The following SLIT2 variants were observed in gnomAD, a reference collection of about 807,000 sequenced individuals.
The protein encoded by SLIT2 is slit homolog 2 protein.
SLIT2 carries 41 observed loss-of-function variants against 185.7 expected under a neutral mutation model. The observed-to-expected ratio is 0.22, with a 90% CI of 0.17 to 0.29. SLIT2 has a LOEUF of 0.29. Ranked by LOEUF, SLIT2 falls within the 10% of genes least tolerant of loss-of-function variation. The pLI is 1.00. For missense variants in SLIT2, 1,571 were observed against 1,909.0 expected, an observed-to-expected ratio of 0.82 and a Z score of 3.30; for synonymous variants, 693 against 680.2, an observed-to-expected ratio of 1.02 and a Z score of -0.29.
chr4:20,339,745 G>C (rs1720807007), intron 4 of SLIT2, among the ~76,000 whole-genome samples: 1 of 152,062 alleles, frequency 6.6e-6, no homozygotes, highest in African/African-American at 2.4e-5. Flanking sequence ...ATGGCCTGTA[G>C]ACTCTCCTAT....
chr4:20,462,087 C>T (rs530703832), intron 4 of SLIT2, among the ~76,000 whole-genome samples: 11 of 152,198 alleles, frequency 7.2e-5, no homozygotes, highest in African/African-American at 2.4e-4. Flanking sequence ...TAAGACACTT[C>T]TCAGACTTGG....
In SLIT2 at chr4:20,507,888, G is replaced by A. The variant is rs1057051188; in HGVS notation, c.915-2607G>A. On this transcript the variant is annotated intron_variant, in intron 9 of 36. Coordinates refer to ENST00000504154, the MANE Select transcript of SLIT2 (RefSeq NM_004787.4). Reference sequence around the variant, plus strand: ...ACCAAGACATGAAGAATCTTCCAGCGAATCAATATTATTTCATCTATAGCT... The same window carrying A: ...ACCAAGACATGAAGAATCTTCCAGCAAATCAATATTATTTCATCTATAGCT... Among the ~76,000 whole-genome samples, 6 of 151,700 alleles carry A rather than the reference G, an allele frequency of 4.0e-5. No homozygotes were observed. In the South Asian group the frequency reaches 6.2e-4, roughly 16 times the overall value.
intron 4 of SLIT2, among the ~76,000 whole-genome samples, chr4:20,346,757 C>G (rs1721444759): frequency 6.6e-6 from 1 of 152,194 alleles, no homozygotes; most frequent in African/African-American, 2.4e-5. Flanking sequence ...CCCTGACTAT[C>G]CACTGGTGTA....
At position 20,472,602 on chromosome 4, in the gene SLIT2, A is replaced by ATCGATATATATC. The variant is rs1491249447; in HGVS notation, c.467+4779_467+4780insTCGATATATATC. Among the ~76,000 whole-genome samples the ATCGATATATATC allele has an allele frequency of 2.0e-4, 3 of 14,764 alleles. 1 individual carries two copies. The highest frequency in any genetic ancestry group is 3.4e-4 in the Non-Finnish European group (3 of 8,870). 9.7% of individuals were successfully genotyped at this position (14,764 alleles called of 152,430 possible). ...TATCTATATATAGATATATATCTAT[A>ATCGATATATATC]GATATATCTATATATATCGATATAT... On this transcript the variant is annotated intron_variant, in intron 5 of 36. Coordinates refer to ENST00000504154, the MANE Select transcript of SLIT2 (RefSeq NM_004787.4).
intron 4 of SLIT2, among the ~76,000 whole-genome samples, chr4:20,282,464 A>G (rs1374316201): frequency 2.6e-5 from 4 of 152,186 alleles, no homozygotes; most frequent in African/African-American, 2.4e-5. Flanking sequence ...GGTTTTTAAA[A>G]GTATAGTTCT....
rs190292868 is a variant in SLIT2 at position 20,252,318 on chromosome 4, G to A, written c.-1498G>A. 1.6e-3 allele frequency among the ~76,000 whole-genome samples: 250 copies of A among 152,308 alleles called. 1 individual carries two copies. Among genetic ancestry groups the A allele is most frequent in the Non-Finnish European group, 1.1e-3 (76 of 68,028 alleles). ...GGGCTCCGGAGTCGGCAGAGCCACCGAGTCCCCGCTCTGAGTCGTCGCCCT... is the reference window on the plus strand; with the variant it reads ...GGGCTCCGGAGTCGGCAGAGCCACCAAGTCCCCGCTCTGAGTCGTCGCCCT... On this transcript the variant is annotated 5_prime_UTR_variant, in exon 1 of 37. Coordinates refer to ENST00000504154, the MANE Select transcript of SLIT2 (RefSeq NM_004787.4).
Position 20,533,468 on chromosome 4 carries a change from A to G in SLIT2, c.1689-104A>G, listed in dbSNP as rs2148864634. The G allele has an allele frequency of 3.7e-6, 3 of 817,118 alleles. No homozygotes were observed. The East Asian group carries it at 7.8e-5, about 21-fold the overall frequency. 50.6% of individuals were successfully genotyped at this position (817,118 alleles called of 1,614,324 possible). A position where few individuals can be genotyped will look rare whatever the true frequency, so the allele number is the denominator to read the frequency against. ...GAGCCCTGGCAGTGCTGGGCAGTGA[A>G]AAGTTGGAAAACTTGGATCATTAGA... On this transcript the variant is annotated intron_variant, in intron 17 of 36. Coordinates refer to ENST00000504154, the MANE Select transcript of SLIT2 (RefSeq NM_004787.4).
At chr4:20,333,211 A>T (rs923627491) in intron 4 of SLIT2, among the ~76,000 whole-genome samples, 1 of 152,130 alleles carries the variant, frequency 6.6e-6, no homozygotes, top group African/African-American at 2.4e-5. Flanking sequence ...GGGGAAAAAA[A>T]TTCAATGGAC....
chr4:20,280,683 C>T (rs182809457), intron 4 of SLIT2, among the ~76,000 whole-genome samples: 11 of 152,148 alleles, frequency 7.2e-5, no homozygotes, highest in East Asian at 5.8e-4. Context: ...GGAATAATTA[C>T]AGTGGTGGAG....
intron 4 of SLIT2, among the ~76,000 whole-genome samples, chr4:20,326,746 C>T (rs1469732078): frequency 9.1e-5 from 5 of 54,728 alleles, no homozygotes; most frequent in East Asian, 7.2e-4. Flanking sequence ...ATTCTGAAAC[C>T]TTTTTTTTTT....
At chr4:20,558,014 T>C (rs1724401097) in intron 26 of SLIT2, among the ~76,000 whole-genome samples, 1 of 152,032 alleles carries the variant, frequency 6.6e-6, no homozygotes, top group Non-Finnish European at 1.5e-5. Flanking sequence ...AAAACTTCAA[T>C]GAATAAGGAG....
chr4:20,594,814 G>A (rs992291001), intron 30 of SLIT2, among the ~76,000 whole-genome samples: 1 of 152,164 alleles, frequency 6.6e-6, no homozygotes, highest in African/African-American at 2.4e-5. Flanking sequence ...CCTGGCTGTG[G>A]CACTTAGAAG....
chr4:20,254,046 T>A lies in SLIT2; in HGVS notation c.179+52T>A, dbSNP rs748059236. 1.9e-6 allele frequency: 3 copies of A among 1,551,118 alleles called. No homozygotes were observed. Among genetic ancestry groups the A allele is most frequent in the East Asian group, 4.5e-5 (2 of 44,336 alleles). ...TCTCCCCATCCGGGCCGCGCACCCC[T>A]GCCTCCACTGGAGGAACCTGTCAGC... On this transcript the variant is annotated intron_variant, in intron 1 of 36. Transcript: ENST00000504154. This position sits in a 1 kb window ranked among gnomAD's most constrained non-coding sequence, Gnocchi z 5.1.
At position 20,254,538 on chromosome 4, in the gene SLIT2, C is replaced by T. The variant is rs1711553925; in HGVS notation, c.179+544C>T. On this transcript the variant is annotated intron_variant, in intron 1 of 36. Coordinates refer to ENST00000504154, the MANE Select transcript of SLIT2 (RefSeq NM_004787.4). This position sits in a 1 kb window ranked among gnomAD's most constrained non-coding sequence, Gnocchi z 5.1. Reference sequence around the variant, plus strand: ...TCATGGAGTGCCTGGGGGTGCTTCTCACAGGTCGCGGGGAGAAGGGTGCCC... The same window carrying T: ...TCATGGAGTGCCTGGGGGTGCTTCTTACAGGTCGCGGGGAGAAGGGTGCCC... Among the ~76,000 whole-genome samples the T allele has an allele frequency of 1.3e-5, 2 of 152,108 alleles. No homozygotes were observed. The highest frequency in any genetic ancestry group is 1.5e-5 in the Non-Finnish European group (1 of 68,010).
intron 4 of SLIT2, among the ~76,000 whole-genome samples, chr4:20,445,623 T>C (rs1452411532): frequency 6.6e-6 from 1 of 152,184 alleles, no homozygotes; most frequent in Non-Finnish European, 1.5e-5. Context: ...AGGAACCAGA[T>C]AAAAGCATGT....
At chr4:20,337,012 T>G (rs1720562338) in intron 4 of SLIT2, among the ~76,000 whole-genome samples, 2 of 152,246 alleles carry the variant, frequency 1.3e-5, no homozygotes, top group Non-Finnish European at 2.9e-5. Context: ...AATTGCTTCC[T>G]ATTCCTCTTA....
chr4:20,318,165 T>C (rs1014552089), intron 4 of SLIT2, among the ~76,000 whole-genome samples: 2 of 152,182 alleles, frequency 1.3e-5, no homozygotes, highest in African/African-American at 2.4e-5. Flanking sequence ...AATGGCTTAG[T>C]GTAGGCTTAC....
chr4:20,610,016 G>A lies in SLIT2; in HGVS notation c.3696G>A (p.Val1232=), dbSNP rs1729093582. 3 of 1,611,378 alleles carry A rather than the reference G, an allele frequency of 1.9e-6. No homozygotes were observed. The highest frequency in any genetic ancestry group is 1.7e-6 in the Non-Finnish European group (2 of 1,178,762). ...GSHPASAIYS[V]ETINDGNFHI... Reference sequence around the variant, plus strand: ...GCCATTTTTTTTTCCGTTGTAGTGTGGAGACAATCAATGATGGAAACTTCC... The same window carrying A: ...GCCATTTTTTTTTCCGTTGTAGTGTAGAGACAATCAATGATGGAAACTTCC... Residue 1232 remains valine (V), a synonymous_variant, in exon 34 of 37, where the codon GTG becomes GTA. Coordinates refer to ENST00000504154, the MANE Select transcript of SLIT2 (RefSeq NM_004787.4).
At chr4:20,509,556 A>G (rs1719518628) in intron 9 of SLIT2, among the ~76,000 whole-genome samples, 1 of 152,180 alleles carries the variant, frequency 6.6e-6, no homozygotes, top group Non-Finnish European at 1.5e-5. Context: ...GCCTGTTGGC[A>G]AATGAGCCTG....
Sources: allele counts gnomAD v4.1 joint callset (sites outside exome capture counted in the v4.1 genomes callset), GRCh38; gene constraint gnomAD v4.1.1; non-coding constraint Gnocchi (gnomAD v3.1); transcripts MANE v1.5; gene names NCBI Gene and HGNC (gene_info 2026-07-23, HGNC 2026-07-21).